Variants in KCNQ1 observed in about 807,000 individuals in gnomAD.
The protein encoded by KCNQ1 is potassium voltage-gated channel subfamily Q member 1.
A neutral mutation model predicts 72.4 loss-of-function variants in KCNQ1; 49 were observed. The ratio of observed to expected loss-of-function variants is 0.68; its 90% CI spans 0.54 to 0.86. The LOEUF (loss-of-function observed/expected upper bound fraction) is 0.86. KCNQ1 is among the 40% of genes least tolerant of loss of function. The pLI is 0.00. For missense variants in KCNQ1, 790 were observed against 945.1 expected (o/e 0.84, Z 2.15); for synonymous variants, 450 against 412.6 (o/e 1.09, Z -1.10).
rs1184434266 is a variant in KCNQ1 at position 2,565,737 on chromosome 11, G to C, written c.478-4891G>C. On this transcript the variant is annotated intron_variant, in intron 2 of 15. Transcript: ENST00000155840. This position sits in a 1 kb window ranked among gnomAD's most constrained non-coding sequence, Gnocchi z 5.6. ...GAGTGGGTCCGATGTGGAGTGCAGTGGCATCAGCCAAGGCTCCGAGGCGTT... is the reference window on the plus strand; with the variant it reads ...GAGTGGGTCCGATGTGGAGTGCAGTCGCATCAGCCAAGGCTCCGAGGCGTT... Among the ~76,000 whole-genome samples the C allele has an allele frequency of 6.6e-6, 1 of 152,210 alleles. No individual in the cohort carries two copies. The highest frequency in any genetic ancestry group is 1.5e-5 in the Non-Finnish European group (1 of 68,036).
Position 2,679,911 on chromosome 11 carries a change from T to G in KCNQ1, c.1514+17830T>G, listed in dbSNP as rs2133879050. On this transcript the variant is annotated intron_variant, in intron 11 of 15. Transcript: ENST00000155840. This position sits in a 1 kb window ranked among gnomAD's most constrained non-coding sequence, Gnocchi z 4.8. Reference sequence around the variant, plus strand: ...ATTTTTTTTTTATTTTTATTTTTTTTGAGGCAGAGTCTCACTTTGTCACCT... The same window carrying G: ...ATTTTTTTTTTATTTTTATTTTTTTGGAGGCAGAGTCTCACTTTGTCACCT... 1 of 397,922 alleles carries G rather than the reference T, an allele frequency of 2.5e-6. No individual in the cohort carries two copies. Among genetic ancestry groups the G allele is most frequent in the African/African-American group, 2.1e-5 (1 of 48,700 alleles). 24.6% of individuals were successfully genotyped at this position (397,922 alleles called of 1,614,324 possible). A position where few individuals can be genotyped will look rare whatever the true frequency, so the allele number is the denominator to read the frequency against.
chr11:2,737,658 G>A (rs1012914584), intron 11 of KCNQ1, among the ~76,000 whole-genome samples: 4 of 152,216 alleles, frequency 2.6e-5, no homozygotes, highest in Non-Finnish European at 5.9e-5. Flanking sequence ...GGAAGCCTTC[G>A]TGCTGACTCG....
intron 15 of KCNQ1, among the ~76,000 whole-genome samples, chr11:2,790,748 G>A (rs1238496287): frequency 6.6e-6 from 1 of 152,254 alleles, no homozygotes; most frequent in Admixed American, 6.5e-5. Context: ...GGCGTGGGCA[G>A]TGTCACAAGC....
chr11:2,476,723 A>G (rs577765302), intron 1 of KCNQ1, among the ~76,000 whole-genome samples: 15 of 133,050 alleles, frequency 1.1e-4, no homozygotes, highest in East Asian at 2.3e-4. Context: ...GTCTCACTCA[A>G]TCACCCAGGC....
At position 2,470,479 on chromosome 11, in the gene KCNQ1, C is replaced by G. The variant is rs58770749; in HGVS notation, c.386+24995C>G. ...ATCCCAGGGAGGCGGAAGAACATCT[C>G]GTTATCTCGTCTCGCCTTTGTTCTG... On this transcript the variant is annotated intron_variant, in intron 1 of 15. Coordinates refer to ENST00000155840, the MANE Select transcript of KCNQ1 (RefSeq NM_000218.3). 4.6e-5 allele frequency among the ~76,000 whole-genome samples: 7 copies of G among 152,190 alleles called. No individual in the cohort carries two copies. The South Asian group carries it at 1.5e-3, about 32-fold the overall frequency.
chr11:2,574,727 C>T (rs901334658), intron 6 of KCNQ1, among the ~76,000 whole-genome samples: 10 of 152,232 alleles, frequency 6.6e-5, no homozygotes, highest in East Asian at 1.9e-4. Context: ...TGGCTCCTGA[C>T]GTAGGCCAAG....
rs1335546985 is a variant in KCNQ1 at position 2,668,038 on chromosome 11, T to TGCCCACA, written c.1514+5958_1514+5964dup. 1 of 398,646 alleles carries TGCCCACA rather than the reference T, an allele frequency of 2.5e-6. No individual in the cohort carries two copies. The highest frequency in any genetic ancestry group is 4.4e-6 in the Non-Finnish European group (1 of 226,072). 24.7% of individuals were successfully genotyped at this position (398,646 alleles called of 1,614,324 possible). A position where few individuals can be genotyped will look rare whatever the true frequency, so the allele number is the denominator to read the frequency against. ...AACTGCTAGCAGCAAGGACCAGCTTTGCCCACATTTGAACTTTATGCGGTG... is the reference window on the plus strand; with the variant it reads ...AACTGCTAGCAGCAAGGACCAGCTTTGCCCACAGCCCACATTTGAACTTTATGCGGTG... On this transcript the variant is annotated intron_variant, in intron 11 of 15. Coordinates refer to ENST00000155840, the MANE Select transcript of KCNQ1 (RefSeq NM_000218.3). This position sits in a 1 kb window ranked among gnomAD's most constrained non-coding sequence, Gnocchi z 4.3.
At chr11:2,535,115 C>G (rs1396981166) in intron 2 of KCNQ1, among the ~76,000 whole-genome samples, 1 of 152,240 alleles carries the variant, frequency 6.6e-6, no homozygotes, top group Non-Finnish European at 1.5e-5. Flanking sequence ...GGAGAAACTT[C>G]TCACTCATCT....
At position 2,652,319 on chromosome 11, in the gene KCNQ1, G is replaced by A. The variant is rs1253238266; in HGVS notation, c.1394-9642G>A. The A allele has an allele frequency of 2.5e-6, 1 of 398,574 alleles. No homozygotes were observed. Among genetic ancestry groups the A allele is most frequent in the Admixed American group, 4.4e-5 (1 of 22,726 alleles). 24.7% of individuals were successfully genotyped at this position (398,574 alleles called of 1,614,324 possible). On this transcript the variant is annotated intron_variant, in intron 10 of 15. Coordinates refer to ENST00000155840, the MANE Select transcript of KCNQ1 (RefSeq NM_000218.3). The surrounding 1 kb of genome is among the most constrained non-coding windows in gnomAD (Gnocchi z 5.9). ...CCTCACTAATTGCTTTGATTATTGT[G>A]TGAAGTTAAGAACTGGCACATTTCC...
chr11:2,753,952 A>C (rs1240607292), intron 11 of KCNQ1, among the ~76,000 whole-genome samples: 1 of 152,220 alleles, frequency 6.6e-6, no homozygotes, highest in Non-Finnish European at 1.5e-5. Context: ...ATATACAAAG[A>C]GGTCTTACAA....
At position 2,567,460 on chromosome 11, in the gene KCNQ1, G is replaced by A. The variant is rs562737706; in HGVS notation, c.478-3168G>A. 1.3e-5 allele frequency among the ~76,000 whole-genome samples: 2 copies of A among 152,292 alleles called. No homozygotes were observed. The highest frequency in any genetic ancestry group is 3.9e-4 in the East Asian group (2 of 5,176). ...CCAGCCCTCCTCCCTGTCCCCAGCT[G>A]AGTGTGAGCTCCCTGGGGTCTTGCT... On this transcript the variant is annotated intron_variant, in intron 2 of 15. Coordinates refer to ENST00000155840, the MANE Select transcript of KCNQ1 (RefSeq NM_000218.3). This position sits in a 1 kb window ranked among gnomAD's most constrained non-coding sequence, Gnocchi z 6.6.
At chr11:2,780,032 T>G (rs576092166) in intron 15 of KCNQ1, among the ~76,000 whole-genome samples, 4 of 152,190 alleles carry the variant, frequency 2.6e-5, no homozygotes, top group Non-Finnish European at 5.9e-5. Flanking sequence ...TGCACAGCCC[T>G]GGTGGGCCCT....
Position 2,791,867 on chromosome 11 carries a change from C to T in KCNQ1, c.1794+13830C>T, listed in dbSNP as rs1218984736. Among the ~76,000 whole-genome samples, 4 of 152,342 alleles carry T rather than the reference C, an allele frequency of 2.6e-5. No individual in the cohort carries two copies. In the East Asian group the frequency reaches 7.7e-4, roughly 29 times the overall value. ...GTGGGGGCTTCCGCCTCACTTTGGACGGTGGCGTCCACAAAATGGCTGACG... is the reference window on the plus strand; with the variant it reads ...GTGGGGGCTTCCGCCTCACTTTGGATGGTGGCGTCCACAAAATGGCTGACG... On this transcript the variant is annotated intron_variant, in intron 15 of 15. Coordinates refer to ENST00000155840, the MANE Select transcript of KCNQ1 (RefSeq NM_000218.3).
chr11:2,699,758 G>A (rs141406503), intron 11 of KCNQ1: 37 of 358,844 alleles, frequency 1.0e-4, no homozygotes, highest in Non-Finnish European at 1.4e-4. Flanking sequence ...CCAGAAGAGC[G>A]CCGCGCTGAG....
At chr11:2,738,326 G>A (rs377206078) in intron 11 of KCNQ1, among the ~76,000 whole-genome samples, 27 of 152,262 alleles carry the variant, frequency 1.8e-4, no homozygotes, top group African/African-American at 5.5e-4. Flanking sequence ...TCATGAAGCC[G>A]GGAGATCAAG....
rs1167166613 is a variant in KCNQ1, at chr11:2,450,606, G to T, written c.386+5122G>T. On this transcript the variant is annotated intron_variant, in intron 1 of 15. Coordinates refer to ENST00000155840, the MANE Select transcript of KCNQ1 (RefSeq NM_000218.3). The surrounding 1 kb of genome is among the most constrained non-coding windows in gnomAD (Gnocchi z 7.9). ...ACACCATGCTCTGCTTGCATCTGGG[G>T]TCCCTGCGGGCACGTCGGTGAGACC... Among the ~76,000 whole-genome samples the T allele has an allele frequency of 2.0e-5, 3 of 152,016 alleles. No homozygotes were observed. The highest frequency in any genetic ancestry group is 7.2e-5 in the African/African-American group (3 of 41,388).
At chr11:2,778,680 C>T (rs1391675048) in intron 15 of KCNQ1, among the ~76,000 whole-genome samples, 2 of 152,220 alleles carry the variant, frequency 1.3e-5, no homozygotes, top group African/African-American at 4.8e-5. Context: ...CCCACCACTG[C>T]CCTTTGAAGT....
intron 2 of KCNQ1, among the ~76,000 whole-genome samples, chr11:2,529,754 G>A (rs1019795797): frequency 8.5e-5 from 13 of 152,128 alleles, no homozygotes; most frequent in African/African-American, 3.1e-4. Context: ...TTCCAGGAGG[G>A]CAGATTGCTG....
Position 2,468,926 on chromosome 11 carries a change from C to T in KCNQ1, c.386+23442C>T, listed in dbSNP as rs548927719. Among the ~76,000 whole-genome samples, 11 of 152,180 alleles carry T rather than the reference C, an allele frequency of 7.2e-5. No homozygotes were observed. The highest frequency in any genetic ancestry group is 2.1e-4 in the South Asian group (1 of 4,836). ...CAAGTGGTTGAACTGCTCTGCAGCC[C>T]GCTGGGAAGTGGAACGGCTGTGTCA... On this transcript the variant is annotated intron_variant, in intron 1 of 15. Coordinates refer to ENST00000155840, the MANE Select transcript of KCNQ1 (RefSeq NM_000218.3). The surrounding 1 kb of genome is among the most constrained non-coding windows in gnomAD (Gnocchi z 5.7).
Sources: gnomAD v4.1 joint callset for allele counts (sites outside exome capture counted in the v4.1 genomes callset) on GRCh38, gnomAD v4.1.1 for gene constraint, Gnocchi (gnomAD v3.1) non-coding constraint, MANE v1.5 for transcripts, NCBI Gene and HGNC (gene_info 2026-07-23, HGNC 2026-07-21) for gene names.